GALNT7: variants seen among roughly 807,000 people sequenced by gnomAD.
The protein encoded by GALNT7 is N-acetylgalactosaminyltransferase 7.
A neutral mutation model predicts 82.1 loss-of-function variants in GALNT7; 60 were observed. The observed-to-expected ratio is 0.73, with a 90% CI of 0.59 to 0.91. The LOEUF is 0.91. GALNT7 is among the 40% of genes least tolerant of loss of function. The pLI, the probability that GALNT7 is intolerant of heterozygous loss-of-function variation, is 0.00. For missense variants in GALNT7, 660 were observed against 804.2 expected (o/e 0.82, Z 2.17); for synonymous variants, 243 against 275.1 (o/e 0.88, Z 1.15).
At chr4:173,296,810 G>A (rs1003108054) in intron 5 of GALNT7, among the ~76,000 whole-genome samples, 3 of 152,106 alleles carry the variant, frequency 2.0e-5, no homozygotes, top group African/African-American at 7.2e-5. Context: ...GTGAGGAAGT[G>A]GTTTTCCAGA....
rs976786943 is a variant in GALNT7 at position 173,302,519 on chromosome 4, A to T, written c.1266+355A>T. Among the ~76,000 whole-genome samples, 6 of 152,214 alleles carry T rather than the reference A, an allele frequency of 3.9e-5. No individual in the cohort carries two copies. Among genetic ancestry groups the T allele is most frequent in the African/African-American group, 1.4e-4 (6 of 41,460 alleles). ...GCCACAATTGACCACCCACTGACAC[A>T]GTCACCCTTTACCACTGTAGGACAT... On this transcript the variant is annotated intron_variant, in intron 7 of 11. Transcript: ENST00000265000. The surrounding 1 kb of genome is among the most constrained non-coding windows in gnomAD (Gnocchi z 4.2).
intron 9 of GALNT7, among the ~76,000 whole-genome samples, chr4:173,314,524 T>C (rs1014442675): frequency 1.3e-5 from 2 of 152,188 alleles, no homozygotes; most frequent in Non-Finnish European, 2.9e-5. Context: ...AAGCCCTTCT[T>C]ACTATTCCCC....
chr4:173,292,741 A>G lies in GALNT7; in HGVS notation c.754+467A>G, dbSNP rs1236561064. ...TGTACACATATGTTAGCACGAATAA[A>G]TAGAAATATGGCCTATTTTTCCTTT... On this transcript the variant is annotated intron_variant, in intron 3 of 11. Coordinates refer to ENST00000265000, the MANE Select transcript of GALNT7 (RefSeq NM_017423.3). The surrounding 1 kb of genome is among the most constrained non-coding windows in gnomAD (Gnocchi z 4.8). 6.6e-6 allele frequency among the ~76,000 whole-genome samples: 1 copy of G among 152,200 alleles called. No homozygotes were observed. The highest frequency in any genetic ancestry group is 1.5e-5 in the Non-Finnish European group (1 of 68,022).
At chr4:173,256,975 G>A (rs896111286) in intron 2 of GALNT7, among the ~76,000 whole-genome samples, 17 of 152,322 alleles carry the variant, frequency 1.1e-4, no homozygotes, top group African/African-American at 4.1e-4. Flanking sequence ...ACAATGGGGA[G>A]AAACTTGGCC....
At chr4:173,309,056 A>G (rs1737274028) in intron 8 of GALNT7, among the ~76,000 whole-genome samples, 1 of 152,236 alleles carries the variant, frequency 6.6e-6, no homozygotes, top group African/African-American at 2.4e-5. Flanking sequence ...TCTATATTTT[A>G]CCAAAACTCA....
intron 1 of GALNT7, among the ~76,000 whole-genome samples, chr4:173,189,150 A>G (rs1732546007): frequency 6.6e-6 from 1 of 152,252 alleles, no homozygotes; most frequent in Middle Eastern, 3.4e-3. Context: ...TTCCATCTGA[A>G]CACCTCTCAC....
intron 1 of GALNT7, among the ~76,000 whole-genome samples, chr4:173,224,029 C>T (rs1156393069): frequency 6.6e-6 from 1 of 151,846 alleles, no homozygotes; most frequent in African/African-American, 2.4e-5. Flanking sequence ...AAATAACAAA[C>T]GTGTCTGGAT....
intron 2 of GALNT7, among the ~76,000 whole-genome samples, chr4:173,286,956 G>A (rs1736344143): frequency 6.6e-6 from 1 of 152,176 alleles, no homozygotes; most frequent in South Asian, 2.1e-4. Flanking sequence ...AAACTGAAGA[G>A]AGCCTCAGTG....
chr4:173,300,680 G>A (rs993262639), intron 6 of GALNT7, among the ~76,000 whole-genome samples: 2 of 152,072 alleles, frequency 1.3e-5, no homozygotes, highest in Admixed American at 6.5e-5. Context: ...TCATGCAGGC[G>A]CATGTGGAGG....
chr4:173,251,059 C>CT (rs1316858307), intron 2 of GALNT7, among the ~76,000 whole-genome samples: 1 of 152,188 alleles, frequency 6.6e-6, no homozygotes, highest in African/African-American at 2.4e-5. Flanking sequence ...TATTGGCTGC[C>CT]TTTCTCATTA....
At chr4:173,299,080 C>G (rs1010134001) in intron 6 of GALNT7, among the ~76,000 whole-genome samples, 1 of 152,160 alleles carries the variant, frequency 6.6e-6, no homozygotes, top group African/African-American at 2.4e-5. Context: ...TGTGTCTAAT[C>G]TTATTTTTCT....
rs1281342403 is a variant in GALNT7, at chr4:173,320,459, G to A, written c.1837-1121G>A. Among the ~76,000 whole-genome samples, 1 of 152,106 alleles carries A rather than the reference G, an allele frequency of 6.6e-6. No individual in the cohort carries two copies. Among genetic ancestry groups the A allele is most frequent in the Non-Finnish European group, 1.5e-5 (1 of 68,008 alleles). On this transcript the variant is annotated intron_variant, in intron 11 of 11. Transcript: ENST00000265000. The surrounding 1 kb of genome is among the most constrained non-coding windows in gnomAD (Gnocchi z 4.1). The stretch of plus-strand genomic sequence containing the variant: ...AAAATAGTGAGAAGAATGGAATTCT[G>A]TATTTTTGCAAATCTCTTTAATGTC...
Position 173,323,358 on chromosome 4 carries a change from A to C in GALNT7, c.*1641A>C, listed in dbSNP as rs575307172. The C allele has an allele frequency of 6.5e-6, 1 of 152,690 alleles. No individual in the cohort carries two copies. Among genetic ancestry groups the C allele is most frequent in the African/African-American group, 2.4e-5 (1 of 41,570 alleles). 9.5% of individuals were successfully genotyped at this position (152,690 alleles called of 1,614,324 possible). ...CATCCTCAACAGAGTTTTATTTATA[A>C]TTTTGAATTGTCAATTTGTATTTTG... On this transcript the variant is annotated 3_prime_UTR_variant, in exon 12 of 12. Coordinates refer to ENST00000265000, the MANE Select transcript of GALNT7 (RefSeq NM_017423.3).
At chr4:173,234,783 C>T (rs758908244) in intron 1 of GALNT7, among the ~76,000 whole-genome samples, 2 of 152,064 alleles carry the variant, frequency 1.3e-5, no homozygotes, top group Non-Finnish European at 2.9e-5. Context: ...CTGTTAGTTA[C>T]CAAAAGCACT....
At chr4:173,308,266 G>A (rs1737233603) in intron 8 of GALNT7, among the ~76,000 whole-genome samples, 1 of 152,022 alleles carries the variant, frequency 6.6e-6, no homozygotes, top group African/African-American at 2.4e-5. Context: ...TTGCCATCTT[G>A]GTGACCTCAC....
intron 2 of GALNT7, among the ~76,000 whole-genome samples, chr4:173,273,788 C>A (rs28699371): frequency 0.054 from 8,162 of 152,102 alleles, 669 homozygotes; most frequent in African/African-American, 0.17. Flanking sequence ...CTATTTTTAA[C>A]TTTTGTAATA....
At chr4:173,226,842 T>C (rs1459299739) in intron 1 of GALNT7, among the ~76,000 whole-genome samples, 1 of 152,244 alleles carries the variant, frequency 6.6e-6, no homozygotes, top group Non-Finnish European at 1.5e-5. Context: ...CTATTTGTTC[T>C]CTTCTTCCTT....
At chr4:173,224,285 C>T (rs1239959054) in intron 1 of GALNT7, among the ~76,000 whole-genome samples, 5 of 151,922 alleles carry the variant, frequency 3.3e-5, no homozygotes, top group Admixed American at 2.6e-4. Flanking sequence ...CTCACCATAT[C>T]GAATTTTTCC....
intron 2 of GALNT7, among the ~76,000 whole-genome samples, chr4:173,253,366 TG>T: frequency 6.6e-6 from 1 of 152,220 alleles, no homozygotes. Flanking sequence ...GAAATACAGC[TG>T]GGAAGATAGT....
Sources: allele counts gnomAD v4.1 joint callset (sites outside exome capture counted in the v4.1 genomes callset), GRCh38; gene constraint gnomAD v4.1.1; non-coding constraint Gnocchi (gnomAD v3.1); transcripts MANE v1.5; gene names NCBI Gene and HGNC (gene_info 2026-07-23, HGNC 2026-07-21).